The following MARCHF10 variants were observed in gnomAD, a reference collection of about 807,000 sequenced individuals.
MARCHF10 encodes membrane associated ring-CH-type finger 10.
MARCHF10 carries 64 observed loss-of-function variants against 76.2 expected under a neutral mutation model. That is an observed-to-expected ratio of 0.84 (90% CI 0.69 to 1.03). The LOEUF (loss-of-function observed/expected upper bound fraction) is 1.03, where lower values mean the gene tolerates loss of function less well. Among genes scored for constraint, MARCHF10 ranks in the 50% least tolerant of loss-of-function variants. The pLI, the probability that MARCHF10 is intolerant of heterozygous loss-of-function variation, is 0.00. For missense variants in MARCHF10, 875 were observed against 958.0 expected (o/e 0.91, Z 1.14); for synonymous variants, 340 against 357.5 (o/e 0.95, Z 0.55).
At chr17:62,792,181 T>C (rs1055276419) in intron 2 of MARCHF10, among the ~76,000 whole-genome samples, 4 of 152,040 alleles carry the variant, frequency 2.6e-5, no homozygotes, top group African/African-American at 9.7e-5. Flanking sequence ...GGGCTGCCTT[T>C]TGTACAGAAG....
At chr17:62,743,832 C>T (rs1358992751) in intron 5 of MARCHF10, among the ~76,000 whole-genome samples, 1 of 152,096 alleles carries the variant, frequency 6.6e-6, no homozygotes, top group Non-Finnish European at 1.5e-5. Flanking sequence ...AGATTCGTTC[C>T]AATATTGTGT....
chr17:62,734,967 T>C (rs1469498217), intron 6 of MARCHF10, among the ~76,000 whole-genome samples: 2 of 152,216 alleles, frequency 1.3e-5, no homozygotes, highest in Non-Finnish European at 2.9e-5. Context: ...CTCTTGCCCC[T>C]TAACCGTGGG....
chr17:62,729,077 C>T (rs1259012876), intron 6 of MARCHF10, among the ~76,000 whole-genome samples: 1 of 152,190 alleles, frequency 6.6e-6, no homozygotes. Flanking sequence ...GTAGCTGGGA[C>T]CACAGGCACA....
intron 6 of MARCHF10, among the ~76,000 whole-genome samples, chr17:62,728,859 C>T (rs779510370): frequency 5.3e-5 from 8 of 151,896 alleles, no homozygotes; most frequent in Non-Finnish European, 1.0e-4. Flanking sequence ...TGGGCAAATC[C>T]AAATCAGAGT....
At chr17:62,727,261 C>T (rs915894144) in intron 6 of MARCHF10, among the ~76,000 whole-genome samples, 1 of 152,100 alleles carries the variant, frequency 6.6e-6, no homozygotes, top group African/African-American at 2.4e-5. Context: ...ACTGGCTACC[C>T]TACTTTGCAA....
chr17:62,748,506 G>A lies in MARCHF10; in HGVS notation c.383-3978C>T, dbSNP rs1056348408. ...AATCCTAACACTTTGGGAGGCCGAG[G>A]CAGGAAGATCACTTGAGCCCAGGAG... On this transcript the variant is annotated intron_variant, in intron 4 of 10. Transcript: ENST00000311269. 4.6e-5 allele frequency among the ~76,000 whole-genome samples: 7 copies of A among 152,314 alleles called. No homozygotes were observed. The East Asian group carries it at 1.2e-3, about 25-fold the overall frequency.
At chr17:62,704,987 CT>C in intron 10 of MARCHF10, 1 of 574,932 alleles carries the variant, frequency 1.7e-6, no homozygotes, top group Non-Finnish European at 2.2e-6. Context: ...AGGGAGAAGG[CT>C]TTTCTCGAAC....
intron 10 of MARCHF10, among the ~76,000 whole-genome samples, chr17:62,702,009 T>A (rs539877760): frequency 6.6e-5 from 10 of 152,230 alleles, no homozygotes; most frequent in Admixed American, 5.9e-4. Flanking sequence ...CATCTCCACG[T>A]CCCCACATAG....
intron 5 of MARCHF10, among the ~76,000 whole-genome samples, chr17:62,742,024 CT>C (rs35748252): frequency 2.6e-4 from 35 of 132,972 alleles, no homozygotes; most frequent in Non-Finnish European, 2.5e-4. Context: ...TTCTTTTTTT[CT>C]TTTTTTTTTT....
rs997068862 is a variant in MARCHF10, at chr17:62,768,004, C to T, written c.211-7998G>A. Among the ~76,000 whole-genome samples the T allele has an allele frequency of 2.0e-5, 3 of 152,120 alleles. No individual in the cohort carries two copies. The South Asian group carries it at 6.2e-4, about 32-fold the overall frequency. ...GCCCTGCACCTCTGCCTATCACCTT[C>T]CTGTGAGCTGGAGAACAACAACTTT... On this transcript the variant is annotated intron_variant, in intron 3 of 10. Transcript: ENST00000311269.
intron 1 of MARCHF10, among the ~76,000 whole-genome samples, chr17:62,803,817 A>G (rs2093119547): frequency 6.6e-6 from 1 of 152,132 alleles, no homozygotes; most frequent in African/African-American, 2.4e-5. Context: ...CGCCCGGCCC[A>G]TAGTTACTCT....
intron 9 of MARCHF10, among the ~76,000 whole-genome samples, chr17:62,707,827 C>G (rs1187654593): frequency 1.3e-5 from 2 of 152,112 alleles, no homozygotes; most frequent in Non-Finnish European, 2.9e-5. Context: ...AGTTTAGAGG[C>G]TAGTATGTAG....
chr17:62,724,837 G>C, intron 7 of MARCHF10, 101 bp downstream of exon 7: 2 of 1,295,634 alleles, frequency 1.5e-6, no homozygotes, highest in Non-Finnish European at 2.2e-6. Flanking sequence ...GCTGTTCTGC[G>C]GAGGAGAGTG....
chr17:62,758,190 A>C (rs563931691), intron 4 of MARCHF10, among the ~76,000 whole-genome samples: 62 of 152,212 alleles, frequency 4.1e-4, no homozygotes, highest in Non-Finnish European at 6.6e-4. Flanking sequence ...CCTTGAGATC[A>C]GAAGTTCGAG....
intron 2 of MARCHF10, among the ~76,000 whole-genome samples, chr17:62,792,830 T>TC (rs2092884392): frequency 3.6e-5 from 1 of 27,728 alleles, no homozygotes; most frequent in Non-Finnish European, 7.1e-5. Context: ...CCACCTCCAC[T>TC]GCCACCACCA....
intron 1 of MARCHF10, among the ~76,000 whole-genome samples, chr17:62,802,639 C>G (rs1001756711): frequency 6.6e-6 from 1 of 152,130 alleles, no homozygotes; most frequent in Non-Finnish European, 1.5e-5. Flanking sequence ...AGGGCATAAC[C>G]TGGTCTGGAG....
chr17:62,736,295 C>G lies in MARCHF10; in HGVS notation c.1573G>C (p.Ala525Pro), dbSNP rs769605198. The G allele has an allele frequency of 1.6e-5, 26 of 1,614,086 alleles. No homozygotes were observed. The highest frequency in any genetic ancestry group is 2.2e-5 in the Non-Finnish European group (26 of 1,180,054). The stretch of plus-strand genomic sequence containing the variant: ...ACTGGGAAATAATTATGGTTTTCGG[C>G]ACTGGCAAATGGAGTCCTATTTCTA... ...PIRNRTPFAS[A>P]ENHNYFPVNS... Residue 525 changes from alanine to proline, a missense_variant, in exon 6 of 11, where the codon GCC becomes CCC. Ala to Pro is a conservative substitution (Grantham distance 27). Coordinates refer to ENST00000311269, the MANE Select transcript of MARCHF10 (RefSeq NM_152598.4).
At chr17:62,715,738 G>T (rs114508003) in intron 8 of MARCHF10, among the ~76,000 whole-genome samples, 3,574 of 152,246 alleles carry the variant, frequency 0.023, 161 homozygotes, top group African/African-American at 0.082. Context: ...CCCCTCTCCA[G>T]ATGCTTGTAG....
chr17:62,729,064 C>T (rs914422691), intron 6 of MARCHF10, among the ~76,000 whole-genome samples: 1 of 152,036 alleles, frequency 6.6e-6, no homozygotes, highest in African/African-American at 2.4e-5. Flanking sequence ...CTCAGCCTCT[C>T]AAGTAGCTGG....
Sources: gnomAD v4.1 joint callset for allele counts (sites outside exome capture counted in the v4.1 genomes callset) on GRCh38, gnomAD v4.1.1 for gene constraint, MANE v1.5 for transcripts, NCBI Gene and HGNC (gene_info 2026-07-23, HGNC 2026-07-21) for gene names.